The following BACH1 variants were observed in gnomAD, a reference collection of about 807,000 sequenced individuals.
The protein encoded by BACH1 is transcription regulator protein BACH1.
BACH1 carries 35 observed loss-of-function variants against 52.9 expected under a neutral mutation model. The ratio of observed to expected loss-of-function variants is 0.66; its 90% CI spans 0.51 to 0.88. BACH1 has a LOEUF of 0.88. Among genes scored for constraint, BACH1 ranks in the 40% least tolerant of loss-of-function variants. BACH1 has a pLI of 0.00. For synonymous variants in BACH1, 321 were observed against 319.6 expected, an observed-to-expected ratio of 1.00 and a Z score of -0.05; for missense variants, 808 against 872.6, an observed-to-expected ratio of 0.93 and a Z score of 0.93.
intron 1 of BACH1, among the ~76,000 whole-genome samples, chr21:29,302,769 C>T (rs1264846431): frequency 2.0e-5 from 3 of 152,150 alleles, no homozygotes; most frequent in Non-Finnish European, 2.9e-5. Flanking sequence ...GCTGAATTGC[C>T]GGCATTGATC....
intron 2 of BACH1, among the ~76,000 whole-genome samples, chr21:29,324,231 CAAAAA>C (rs35915821): frequency 3.2e-5 from 2 of 63,174 alleles, no homozygotes; most frequent in African/African-American, 1.0e-4. Context: ...GACTCTGCCT[CAAAAA>C]AAAAAAAAAA....
chr21:29,329,408 A>G (rs2088954705), intron 3 of BACH1, 79 bp from the exon 4 acceptor site: 10 of 1,194,864 alleles, frequency 8.4e-6, no homozygotes, highest in African/African-American at 3.1e-5. Flanking sequence ...AAAAACTTAG[A>G]TGTATACCTT....
chr21:29,327,079 G>A lies in BACH1; in HGVS notation c.1255G>A (p.Ala419Thr). Residue 419 changes from alanine to threonine, a missense_variant, in exon 3 of 5, where the codon GCT (alanine) becomes ACT (threonine). Coordinates refer to ENST00000286800, the MANE Select transcript of BACH1 (RefSeq NM_001186.4). Reference protein sequence around the residue: ...DTPCQMQLSPAVAKDGSEQIS... With the variant: ...DTPCQMQLSPTVAKDGSEQIS... ...TCCTTGCCAAATGCAGTTATCACCT[G>A]CTGTGGCCAAAGATGGCTCAGAACA... The A allele has an allele frequency of 6.2e-7, 1 of 1,614,230 alleles. No homozygotes were observed. Among genetic ancestry groups the A allele is most frequent in the Non-Finnish European group, 8.5e-7 (1 of 1,180,036 alleles).
At chr21:29,341,022 ATACTT>A (rs1357110765) in intron 4 of BACH1, among the ~76,000 whole-genome samples, 1 of 152,104 alleles carries the variant, frequency 6.6e-6, no homozygotes, top group East Asian at 1.9e-4. Flanking sequence ...AGATTGGAGA[ATACTT>A]TGCCATATAA....
intron 4 of BACH1, among the ~76,000 whole-genome samples, chr21:29,334,869 A>G (rs2089026180): frequency 6.6e-6 from 1 of 152,264 alleles, no homozygotes; most frequent in Non-Finnish European, 1.5e-5. Context: ...ACTAGTCACA[A>G]TTTACTGGCT....
In BACH1 at chr21:29,332,494, AGAATGAAT is replaced by A. The variant is rs375746746; in HGVS notation, c.1776+2818_1776+2825del. On this transcript the variant is annotated intron_variant, in intron 4 of 4. Transcript: ENST00000286800. ...CTTCAAGAAACAGACTTTTGATTGAAGAATGAATGAATGAATGAATGAATTTGTTGTAG... is the reference window on the plus strand; with the variant it reads ...CTTCAAGAAACAGACTTTTGATTGAAGAATGAATGAATGAATTTGTTGTAG... 1.6e-4 allele frequency among the ~76,000 whole-genome samples: 24 copies of A among 152,220 alleles called. 1 individual carries two copies. The highest frequency in any genetic ancestry group is 1.2e-3 in the Admixed American group (19 of 15,286).
At chr21:29,305,030 T>C (rs1273785452) in intron 1 of BACH1, among the ~76,000 whole-genome samples, 1 of 152,226 alleles carries the variant, frequency 6.6e-6, no homozygotes, top group Non-Finnish European at 1.5e-5. Context: ...GGCCCAGGCC[T>C]CTTCAATTTC....
intron 1 of BACH1, chr21:29,299,870 G>A (rs1178703428): frequency 6.6e-6 from 1 of 152,200 alleles, no homozygotes; most frequent in Admixed American, 6.5e-5. Flanking sequence ...GCTTTTTGGA[G>A]AATTGTGTAG....
rs1319533578 is a variant in BACH1, at chr21:29,345,360, C to T, written c.*2527C>T. The T allele has an allele frequency of 6.6e-6, 1 of 152,306 alleles. No homozygotes were observed. The highest frequency in any genetic ancestry group is 2.4e-5 in the African/African-American group (1 of 41,438). The allele number at this position is 152,306 out of a possible 1,614,324, so 9.4% of individuals were successfully genotyped here. On this transcript the variant is annotated 3_prime_UTR_variant, in exon 5 of 5. Transcript: ENST00000286800. ...AGTATACAGTGTATGCCTTTTCCTT[C>T]ATGCAGAATTTTGAAATGTTTTCAG...
chr21:29,305,733 C>G (rs1051105248), intron 1 of BACH1, among the ~76,000 whole-genome samples: 1 of 152,198 alleles, frequency 6.6e-6, no homozygotes, highest in Non-Finnish European at 1.5e-5. Flanking sequence ...CTGCTGTTCT[C>G]CCCCAACTCA....
chr21:29,354,224 T>C (rs1257716812), intron 2 of BACH1, among the ~76,000 whole-genome samples: 1 of 152,140 alleles, frequency 6.6e-6, no homozygotes, highest in Non-Finnish European at 1.5e-5. Context: ...TGGCCGGGGA[T>C]AATGAGGGCT....
At chr21:29,301,391 C>G (rs1375494389) in intron 1 of BACH1, among the ~76,000 whole-genome samples, 1 of 152,234 alleles carries the variant, frequency 6.6e-6, no homozygotes, top group East Asian at 1.9e-4. Flanking sequence ...TAACCACTGT[C>G]AGTAACATTC....
chr21:29,337,279 TGGA>T (rs1043788081), intron 4 of BACH1, among the ~76,000 whole-genome samples: 14 of 152,220 alleles, frequency 9.2e-5, no homozygotes, highest in African/African-American at 3.4e-4. Context: ...TACCTGCTGC[TGGA>T]GTATTATTCC....
rs752226287 is a variant in BACH1, at chr21:29,329,511, C to T, written c.1594C>T (p.Arg532Trp). 245 of 1,585,968 alleles carry T rather than the reference C, an allele frequency of 1.5e-4. 1 individual carries two copies. Among genetic ancestry groups the T allele is most frequent in the Non-Finnish European group, 1.9e-4 (223 of 1,168,982 alleles). The change falls in exon 4 of 5, where the codon CGG becomes TGG. Residue 532 changes from arginine to tryptophan, a missense_variant. By Grantham distance (101) the Arg-to-Trp change is moderately radical. Coordinates refer to ENST00000286800, the MANE Select transcript of BACH1 (RefSeq NM_001186.4). ...CEVKLPFNAQ[R>W]IISLSRNDFQ... The stretch of plus-strand genomic sequence containing the variant: ...GGTAAAACTGCCATTCAATGCACAA[C>T]GGATAATTTCACTGTCTCGAAATGA...
At position 29,321,526 on chromosome 21, in the gene BACH1, A is replaced by G. The variant is rs762149476; in HGVS notation, c.234+12A>G. On this transcript the variant is annotated intron_variant, in intron 2 of 4. Transcript: ENST00000286800. ...CTCTTCCAGAAGAGGTGAGAGATCC[A>G]TGTTTTTGGCAATTTTAATCTACTT... 1.9e-6 allele frequency: 3 copies of G among 1,605,262 alleles called. No individual in the cohort carries two copies. Among genetic ancestry groups the G allele is most frequent in the Non-Finnish European group, 2.6e-6 (3 of 1,173,054 alleles).
intron 4 of BACH1, among the ~76,000 whole-genome samples, chr21:29,331,458 A>T (rs1245456007): frequency 1.3e-5 from 2 of 152,248 alleles, no homozygotes; most frequent in Non-Finnish European, 2.9e-5. Context: ...GAGAGTAGCT[A>T]TTATCCTTTA....
chr21:29,311,545 CTCTG>C (rs929176849), intron 1 of BACH1, among the ~76,000 whole-genome samples: 38 of 151,918 alleles, frequency 2.5e-4, no homozygotes, highest in African/African-American at 7.7e-4. Flanking sequence ...TGGTGGATAC[CTCTG>C]TCTAAAATGT....
intron 1 of BACH1, among the ~76,000 whole-genome samples, chr21:29,305,878 G>A (rs2088651458): frequency 6.6e-6 from 1 of 152,204 alleles, no homozygotes; most frequent in Non-Finnish European, 1.5e-5. Context: ...GCTTTTATAA[G>A]CCAGGAACTT....
intron 1 of BACH1, among the ~76,000 whole-genome samples, chr21:29,306,867 A>T (rs2088663542): frequency 6.6e-6 from 1 of 152,256 alleles, no homozygotes; most frequent in East Asian, 1.9e-4. Context: ...AATTATTTAA[A>T]AATTGAAAAT....
Sources: allele counts gnomAD v4.1 joint callset (sites outside exome capture counted in the v4.1 genomes callset), GRCh38; gene constraint gnomAD v4.1.1; transcripts MANE v1.5; gene names NCBI Gene and HGNC (gene_info 2026-07-23, HGNC 2026-07-21).